DPYD: variants seen among roughly 807,000 people sequenced by gnomAD.
DPYD encodes dihydropyrimidine dehydrogenase [NADP(+)].
DPYD carries 109 observed loss-of-function variants against 116.2 expected under a neutral mutation model. The observed-to-expected ratio is 0.94, with a 90% CI of 0.80 to 1.10. The LOEUF is 1.10. Ranked by LOEUF, DPYD falls within the 50% of genes least tolerant of loss-of-function variation. DPYD has a pLI of 0.00. For synonymous variants in DPYD, 440 were observed against 432.0 expected, an observed-to-expected ratio of 1.02 and a Z score of -0.23; for missense variants, 1,302 against 1,254.5, an observed-to-expected ratio of 1.04 and a Z score of -0.57.
chr1:97,567,022 T>C (rs910459571), intron 11 of DPYD, among the ~76,000 whole-genome samples: 1 of 152,162 alleles, frequency 6.6e-6, no homozygotes, highest in East Asian at 1.9e-4. Context: ...TTTCATAGGC[T>C]CTTCCCAACA....
At chr1:97,525,226 C>T (rs977451101) in intron 12 of DPYD, among the ~76,000 whole-genome samples, 2 of 152,158 alleles carry the variant, frequency 1.3e-5, no homozygotes, top group African/African-American at 2.4e-5. Context: ...GCTGATGATT[C>T]CTACTCAACA....
At chr1:97,840,267 T>A (rs771559706) in intron 2 of DPYD, among the ~76,000 whole-genome samples, 3 of 152,004 alleles carry the variant, frequency 2.0e-5, no homozygotes, top group Non-Finnish European at 2.9e-5. Context: ...CAGAACACCC[T>A]CTCCCTTAAT....
chr1:97,472,936 A>T (rs1457094755), intron 13 of DPYD, among the ~76,000 whole-genome samples: 1 of 152,188 alleles, frequency 6.6e-6, no homozygotes, highest in Non-Finnish European at 1.5e-5. Flanking sequence ...AACCTAACTG[A>T]CACAGCCATC....
At chr1:97,390,784 A>G (rs1056875852) in intron 14 of DPYD, among the ~76,000 whole-genome samples, 7 of 152,000 alleles carry the variant, frequency 4.6e-5, no homozygotes, top group African/African-American at 1.7e-4. Flanking sequence ...AACAGGAAAC[A>G]ACCACTGTAC....
chr1:97,458,227 A>G (rs991913796), intron 13 of DPYD, among the ~76,000 whole-genome samples: 7 of 152,176 alleles, frequency 4.6e-5, no homozygotes, highest in Admixed American at 6.5e-5. Context: ...TTTACTTTTA[A>G]GAAAACTTGT....
intron 8 of DPYD, among the ~76,000 whole-genome samples, chr1:97,604,353 C>A (rs770830120): frequency 6.6e-6 from 1 of 152,108 alleles, no homozygotes; most frequent in Non-Finnish European, 1.5e-5. Context: ...TAAAATAGCT[C>A]TGTCATACTG....
intron 13 of DPYD, among the ~76,000 whole-genome samples, chr1:97,458,272 A>C (rs929619962): frequency 6.6e-6 from 1 of 152,166 alleles, no homozygotes; most frequent in Non-Finnish European, 1.5e-5. Context: ...GTCGACTGCA[A>C]ATGAAATGAC....
chr1:97,582,294 G>A (rs1450947060), intron 10 of DPYD, among the ~76,000 whole-genome samples: 2 of 152,112 alleles, frequency 1.3e-5, no homozygotes, highest in East Asian at 3.8e-4. Context: ...TGTGGGCAGT[G>A]GTCCTGCACT....
chr1:97,356,042 C>T (rs1380728300), intron 16 of DPYD, among the ~76,000 whole-genome samples: 3 of 152,064 alleles, frequency 2.0e-5, no homozygotes, highest in Non-Finnish European at 4.4e-5. Flanking sequence ...TTTACATTTC[C>T]ACCAACAGCG....
intron 3 of DPYD, among the ~76,000 whole-genome samples, chr1:97,787,575 C>G (rs777157268): frequency 9.2e-5 from 14 of 152,056 alleles, no homozygotes; most frequent in Non-Finnish European, 2.1e-4. Flanking sequence ...GACTGCAAGT[C>G]TAAGGCACAC....
At chr1:97,682,745 C>T (rs757745996) in intron 7 of DPYD, among the ~76,000 whole-genome samples, 11 of 151,938 alleles carry the variant, frequency 7.2e-5, no homozygotes, top group Non-Finnish European at 1.6e-4. Context: ...TTTCTTTATT[C>T]CTTGTACTTT....
chr1:97,493,299 C>T (rs966268908), intron 13 of DPYD, among the ~76,000 whole-genome samples: 20 of 152,310 alleles, frequency 1.3e-4, no homozygotes, highest in African/African-American at 1.9e-4. Context: ...ATAATCCCCT[C>T]GTACTAACGG....
chr1:97,658,431 T>C (rs370354429), intron 8 of DPYD, among the ~76,000 whole-genome samples: 33 of 152,288 alleles, frequency 2.2e-4, no homozygotes, highest in African/African-American at 6.5e-4. Flanking sequence ...TATATGTACA[T>C]AGGGATAAAT....
chr1:97,252,917 C>T (rs949748704), intron 18 of DPYD, among the ~76,000 whole-genome samples: 5 of 152,014 alleles, frequency 3.3e-5, no homozygotes, highest in Non-Finnish European at 2.9e-5. Context: ...CTTCGAAATA[C>T]AAATCATAAG....
rs546514346 is a variant in DPYD at position 97,360,472 on chromosome 1, A to G, written c.2058+13089T>C. Among the ~76,000 whole-genome samples the G allele has an allele frequency of 6.7e-4, 102 of 152,172 alleles. 1 individual carries two copies. The highest frequency in any genetic ancestry group is 2.6e-3 in the Admixed American group (39 of 15,292). On this transcript the variant is annotated intron_variant, in intron 16 of 22. Transcript: ENST00000370192. ...AGCAGACCTAATAGACATCTACAGA[A>G]CTCTCCACCCCAAATCAACAGAATA...
At chr1:97,121,857 A>T (rs1210639576) in intron 20 of DPYD, among the ~76,000 whole-genome samples, 2 of 152,176 alleles carry the variant, frequency 1.3e-5, no homozygotes, top group Non-Finnish European at 2.9e-5. Context: ...AAGTAATTCA[A>T]TGAGGGCCAT....
chr1:97,110,182 C>T (rs1445723869), intron 20 of DPYD, among the ~76,000 whole-genome samples: 2 of 152,100 alleles, frequency 1.3e-5, no homozygotes, highest in African/African-American at 4.8e-5. Flanking sequence ...TTGGGAAAGA[C>T]TCCTTCTTTC....
chr1:97,829,212 G>A (rs1264360362), intron 2 of DPYD, among the ~76,000 whole-genome samples: 1 of 151,698 alleles, frequency 6.6e-6, no homozygotes, highest in Admixed American at 6.6e-5. Flanking sequence ...TCTTGAATAA[G>A]TATCCTGAAT....
intron 12 of DPYD, among the ~76,000 whole-genome samples, chr1:97,525,808 C>T (rs1649022090): frequency 9.1e-6 from 1 of 110,126 alleles, no homozygotes; most frequent in Non-Finnish European, 1.9e-5. Flanking sequence ...GTGTTTTAGG[C>T]CAGTCTCTCC....
Sources: allele counts gnomAD v4.1 joint callset (sites outside exome capture counted in the v4.1 genomes callset), GRCh38; gene constraint gnomAD v4.1.1; transcripts MANE v1.5; gene names NCBI Gene and HGNC (gene_info 2026-07-23, HGNC 2026-07-21).